ZFP91: variants seen among roughly 807,000 people sequenced by gnomAD.
ZFP91 encodes the protein ZFP91 zinc finger protein, atypical E3 ubiquitin ligase.
Under a neutral mutation model 63.5 loss-of-function variants are expected in ZFP91, and 7 were observed. The ratio of observed to expected loss-of-function variants is 0.11; its 90% confidence interval spans 0.06 to 0.21. The LOEUF is 0.21. Among genes scored for constraint, ZFP91 ranks in the 10% least tolerant of loss-of-function variants. The probability of loss-of-function intolerance (pLI) is 1.00; values close to 1 mark genes in which losing one functional copy is unlikely to be tolerated. For missense variants in ZFP91, 628 were observed against 736.6 expected, an observed-to-expected ratio of 0.85 and a Z score of 1.71; for synonymous variants, 330 against 272.1, an observed-to-expected ratio of 1.21 and a Z score of -2.10.
chr11:58,579,738 T>C (rs1855067817), intron 1 of ZFP91, 116 bp downstream of exon 1: 1 of 1,004,356 alleles, frequency 1.0e-6, no homozygotes, highest in South Asian at 1.9e-5. Context: ...CCCTGCCGGC[T>C]CCGCACGCCA....
Position 58,592,019 on chromosome 11 carries a change from C to T in ZFP91, c.370+7135C>T, listed in dbSNP as rs1459632897. Among the ~76,000 whole-genome samples the T allele has an allele frequency of 2.3e-4, 34 of 150,624 alleles. 1 individual carries two copies. On this transcript the variant is annotated intron_variant, in intron 2 of 10. Transcript: ENST00000316059. ...GTAAGTATTGTTTTCAGGAAAGACACAGAAACTTTGAGGTAATTTTTGTGA... is the reference window on the plus strand; with the variant it reads ...GTAAGTATTGTTTTCAGGAAAGACATAGAAACTTTGAGGTAATTTTTGTGA...
intron 2 of ZFP91, among the ~76,000 whole-genome samples, chr11:58,589,315 C>T (rs958850575): frequency 6.6e-5 from 10 of 152,252 alleles, no homozygotes; most frequent in Middle Eastern, 6.8e-3. Context: ...CCTCTTGCCT[C>T]GGCCTCCCAA....
chr11:58,618,594 CTT>C lies in ZFP91; in HGVS notation c.*890_*891del. 1 of 406,834 alleles carries C rather than the reference CTT, an allele frequency of 2.5e-6. No individual in the cohort carries two copies. Among genetic ancestry groups the C allele is most frequent in the Middle Eastern group, 3.6e-4 (1 of 2,784 alleles). The allele number at this position is 406,834 out of a possible 1,614,324, so 25.2% of individuals were successfully genotyped here. A position where few individuals can be genotyped will look rare whatever the true frequency, so the allele number is the denominator to read the frequency against. ...AAGTCTGATTTTTTTTTTTTGGAGT[CTT>C]TGTTGCTATATTTTGTGGGGCTGGG... On this transcript the variant is annotated 3_prime_UTR_variant, in exon 11 of 11. Transcript: ENST00000316059.
Position 58,608,269 on chromosome 11 carries a change from T to C in ZFP91, c.371-1561T>C, listed in dbSNP as rs184692421. 1.8e-4 allele frequency among the ~76,000 whole-genome samples: 28 copies of C among 152,082 alleles called. 1 individual carries two copies. In the East Asian group the frequency reaches 3.7e-3, roughly 20 times the overall value. ...TGTGAAACCAATCCCTCTTTGAATG[T>C]TGTTTTCTACTCTTCTACTACTTAA... On this transcript the variant is annotated intron_variant, in intron 2 of 10. Transcript: ENST00000316059.
intron 2 of ZFP91, among the ~76,000 whole-genome samples, chr11:58,600,913 T>C (rs1383977190): frequency 6.6e-6 from 1 of 152,196 alleles, no homozygotes; most frequent in Non-Finnish European, 1.5e-5. Flanking sequence ...ATTGAGATAA[T>C]GGTGTGTTTT....
chr11:58,579,876 T>C (rs1855074710), intron 1 of ZFP91, among the ~76,000 whole-genome samples: 1 of 152,078 alleles, frequency 6.6e-6, no homozygotes, highest in Admixed American at 6.5e-5. Context: ...ACCCCTGCAC[T>C]CGCTAGTGAT....
chr11:58,593,366 A>G (rs937173494), intron 2 of ZFP91, among the ~76,000 whole-genome samples: 1 of 152,132 alleles, frequency 6.6e-6, no homozygotes, highest in African/African-American at 2.4e-5. Flanking sequence ...TTATACACAA[A>G]TATTTTTCTC....
intron 2 of ZFP91, among the ~76,000 whole-genome samples, chr11:58,601,337 T>C (rs950533847): frequency 1.6e-4 from 25 of 152,228 alleles, no homozygotes; most frequent in African/African-American, 5.8e-4. Context: ...TGGTAATTTG[T>C]GTGTGCCTAA....
chr11:58,593,410 T>C (rs191811776), intron 2 of ZFP91, among the ~76,000 whole-genome samples: 3 of 152,304 alleles, frequency 2.0e-5, no homozygotes, highest in Middle Eastern at 3.4e-3. Context: ...GTTCTCAATA[T>C]TAGTGCTACG....
In ZFP91 at chr11:58,609,896, C is replaced by G. The variant is rs939177200; in HGVS notation, c.437C>G (p.Ser146Cys). Residue 146 changes from serine to cysteine, a missense_variant, in exon 3 of 11, where the codon TCT (serine) becomes TGT (cysteine). Physicochemically the swap from Ser to Cys is moderately radical, Grantham distance 112. Transcript: ENST00000316059. ...CCTCAGGAAGTTTCCATTGCTGCATCTAGACCTAGCCGGGGCTGGCGTAGT... is the reference window on the plus strand; with the variant it reads ...CCTCAGGAAGTTTCCATTGCTGCATGTAGACCTAGCCGGGGCTGGCGTAGT... Reference protein sequence around the residue: ...ALPQEVSIAASRPSRGWRSSR... With the variant: ...ALPQEVSIAACRPSRGWRSSR... The G allele has an allele frequency of 6.2e-7, 1 of 1,614,070 alleles. No homozygotes were observed. Among genetic ancestry groups the G allele is most frequent in the Non-Finnish European group, 8.5e-7 (1 of 1,180,050 alleles).
In ZFP91 at chr11:58,612,001, A is replaced by G. The variant is rs1004937768; in HGVS notation, c.857+263A>G. 5 of 523,962 alleles carry G rather than the reference A, an allele frequency of 9.5e-6. No individual in the cohort carries two copies. In the African/African-American group the frequency reaches 9.6e-5, roughly 10 times the overall value. 32.5% of individuals were successfully genotyped at this position (523,962 alleles called of 1,614,324 possible). ...TAGATGATACATGGTAGCAACTCTA[A>G]AAGTAATACATTGAGATTCTTCTAA... On this transcript the variant is annotated intron_variant, in intron 6 of 10. Coordinates refer to ENST00000316059, the MANE Select transcript of ZFP91 (RefSeq NM_053023.5).
At chr11:58,596,180 T>C (rs1177195539) in intron 2 of ZFP91, among the ~76,000 whole-genome samples, 2 of 152,194 alleles carry the variant, frequency 1.3e-5, no homozygotes, top group East Asian at 1.9e-4. Flanking sequence ...AGGAAGAGAA[T>C]ATATTTACTA....
At chr11:58,610,132 A>G in intron 3 of ZFP91, 93 bp downstream of exon 3, 1 of 1,501,108 alleles carries the variant, frequency 6.7e-7, no homozygotes, top group East Asian at 2.3e-5. Context: ...CTTAACTGTC[A>G]GGGGCAGGTT....
At chr11:58,612,451 C>A in intron 7 of ZFP91, 123 bp downstream of exon 7, 1 of 883,080 alleles carries the variant, frequency 1.1e-6, no homozygotes. Context: ...AAAGCAACTT[C>A]ACTAATGTCC....
At chr11:58,581,701 A>G (rs1218438661) in intron 1 of ZFP91, among the ~76,000 whole-genome samples, 1 of 152,226 alleles carries the variant, frequency 6.6e-6, no homozygotes, top group Admixed American at 6.5e-5. Flanking sequence ...ATTTTTATCT[A>G]AAACAGTAAT....
rs555176918 is a variant in ZFP91, at chr11:58,621,356, A to G, written c.*3650A>G. Among the ~76,000 whole-genome samples the G allele has an allele frequency of 2.4e-4, 36 of 152,354 alleles. No individual in the cohort carries two copies. The highest frequency in any genetic ancestry group is 7.0e-4 in the African/African-American group (29 of 41,576). ...TGAGGTTAATTTTACCCTGATAATG[A>G]CAAAACCTTGATAGCATTTAATATT... On this transcript the variant is annotated 3_prime_UTR_variant, in exon 11 of 11. Transcript: ENST00000316059.
At chr11:58,599,943 GT>G (rs1349698146) in intron 2 of ZFP91, among the ~76,000 whole-genome samples, 1 of 152,056 alleles carries the variant, frequency 6.6e-6, no homozygotes, top group Non-Finnish European at 1.5e-5. Context: ...TGAAGAGACT[GT>G]TTTCACCTAC....
chr11:58,590,887 A>C (rs1855292141), intron 2 of ZFP91, among the ~76,000 whole-genome samples: 1 of 151,618 alleles, frequency 6.6e-6, no homozygotes, highest in Non-Finnish European at 1.5e-5. Context: ...TACCTAACTG[A>C]AGGGCATTTG....
intron 2 of ZFP91, among the ~76,000 whole-genome samples, chr11:58,609,081 CT>C (rs200285888): frequency 8.6e-5 from 13 of 151,392 alleles, no homozygotes; most frequent in South Asian, 2.1e-4. Context: ...TTCTAATGTA[CT>C]TTTTTTTTAT....
Sources: allele counts gnomAD v4.1 joint callset (sites outside exome capture counted in the v4.1 genomes callset), GRCh38; gene constraint gnomAD v4.1.1; transcripts MANE v1.5; gene names NCBI Gene and HGNC (gene_info 2026-07-23, HGNC 2026-07-21).